Variants in PRSS55 observed in about 807,000 individuals in gnomAD.
The protein encoded by PRSS55 is serine protease 55.
A neutral mutation model predicts 23.6 loss-of-function variants in PRSS55; 41 were observed. The observed-to-expected ratio is 1.74, with a 90% CI of 1.35 to 2.26. The LOEUF is 2.26. PRSS55 is among the 30% of genes most tolerant of loss of function. PRSS55 has a pLI of 0.00. For missense variants in PRSS55, 669 were observed against 439.1 expected, an observed-to-expected ratio of 1.52 and a Z score of -4.68; for synonymous variants, 262 against 175.5, an observed-to-expected ratio of 1.49 and a Z score of -3.90.
chr8:10,550,418 T>C (rs7011457), intron 4 of PRSS55, among the ~76,000 whole-genome samples: 69,330 of 152,150 alleles, frequency 0.46, 16,562 homozygotes, highest in East Asian at 0.58. Context: ...AAGCCTGTAC[T>C]AGTCCTGGCT....
intron 1 of PRSS55, among the ~76,000 whole-genome samples, chr8:10,529,199 C>T (rs541629000): frequency 2.6e-5 from 4 of 152,216 alleles, no homozygotes; most frequent in African/African-American, 7.2e-5. Context: ...TGTTTTCTTC[C>T]GATTTCTCCT....
intron 4 of PRSS55, among the ~76,000 whole-genome samples, chr8:10,543,846 G>C (rs1013431208): frequency 3.3e-5 from 5 of 151,898 alleles, no homozygotes; most frequent in Admixed American, 6.6e-5. Context: ...TTATTCTTCT[G>C]TTATTTATTT....
intron 4 of PRSS55, among the ~76,000 whole-genome samples, chr8:10,545,566 G>A (rs963481300): frequency 3.3e-5 from 5 of 152,178 alleles, no homozygotes; most frequent in South Asian, 2.1e-4. Flanking sequence ...CACTTCAGAA[G>A]CATTTCCCTA....
chr8:10,536,023 GA>G (rs1812441325), intron 4 of PRSS55, among the ~76,000 whole-genome samples: 1 of 152,024 alleles, frequency 6.6e-6, no homozygotes, highest in African/African-American at 2.4e-5. Context: ...CGTCTCTACT[GA>G]AAATACAAAA....
chr8:10,551,926 C>T (rs2117088345), intron 4 of PRSS55, among the ~76,000 whole-genome samples: 1 of 152,322 alleles, frequency 6.6e-6, no homozygotes, highest in South Asian at 2.1e-4. Flanking sequence ...TCAAATGTTC[C>T]TGCCCAAAGA....
chr8:10,538,462 T>C lies in PRSS55; in HGVS notation c.742-14T>C. 6.3e-7 allele frequency: 1 copy of C among 1,596,492 alleles called. No individual in the cohort carries two copies. Among genetic ancestry groups the C allele is most frequent in the Non-Finnish European group, 8.6e-7 (1 of 1,167,518 alleles). On this transcript the variant is annotated splice_polypyrimidine_tract_variant and intron_variant, in intron 4 of 4. Coordinates refer to ENST00000328655, the MANE Select transcript of PRSS55 (RefSeq NM_198464.4). ...GAACCGGACTCCCTGCTGAGCTGTG[T>C]TCTCTGCCCACAGGGTGACAGTGGG...
chr8:10,548,967 C>T (rs759608948), intron 4 of PRSS55, among the ~76,000 whole-genome samples: 1 of 152,150 alleles, frequency 6.6e-6, no homozygotes, highest in South Asian at 2.1e-4. Context: ...TGTGTCTTAT[C>T]GGAACGCAGC....
chr8:10,545,358 T>C (rs970761852), intron 4 of PRSS55, among the ~76,000 whole-genome samples: 17 of 152,288 alleles, frequency 1.1e-4, no homozygotes, highest in African/African-American at 3.6e-4. Context: ...CCATCATGCC[T>C]GGCTAATTTT....
chr8:10,545,984 G>A (rs1192344298), intron 4 of PRSS55, among the ~76,000 whole-genome samples: 1 of 152,090 alleles, frequency 6.6e-6, no homozygotes, highest in Non-Finnish European at 1.5e-5. Flanking sequence ...GCTGTCCTCA[G>A]ATTACCCTGA....
chr8:10,543,999 A>G (rs1014870958), intron 4 of PRSS55, among the ~76,000 whole-genome samples: 1 of 152,178 alleles, frequency 6.6e-6, no homozygotes, highest in African/African-American at 2.4e-5. Context: ...ATATTCTGCT[A>G]TTATTGGGTA....
chr8:10,541,021 G>C (rs965095550), downstream of PRSS55: 3 of 152,676 alleles, frequency 2.0e-5, no homozygotes, highest in African/African-American at 7.2e-5. Context: ...GGGCTGGGGT[G>C]GGCATAGAAC....
chr8:10,545,520 C>A (rs532788295), intron 4 of PRSS55, among the ~76,000 whole-genome samples: 1 of 152,154 alleles, frequency 6.6e-6, no homozygotes, highest in African/African-American at 2.4e-5. Flanking sequence ...GGGCCAGTAA[C>A]AAGCAGTTTT....
At chr8:10,542,036 C>G (rs996368820), downstream of PRSS55, among the ~76,000 whole-genome samples, 2 of 152,220 alleles carry the variant, frequency 1.3e-5, no homozygotes, top group Admixed American at 1.3e-4. Flanking sequence ...CATGGCCTCC[C>G]AAAGTGCTGT....
At position 10,553,065 on chromosome 8, in the gene PRSS55, C is replaced by G. The variant is rs573914397; in HGVS notation, c.742-878C>G. Among the ~76,000 whole-genome samples, 29 of 152,332 alleles carry G rather than the reference C, an allele frequency of 1.9e-4. No individual in the cohort carries two copies. In the South Asian group the frequency reaches 5.8e-3, roughly 30 times the overall value. On this transcript the variant is annotated intron_variant, in intron 4 of 4. Coordinates refer to the PRSS55 transcript ENST00000522210. The stretch of plus-strand genomic sequence containing the variant: ...TTTGAAGTGTAATCCCCATAATTCT[C>G]AACTGTAGAGGGTGGGACCTGGTGG...
At chr8:10,526,880 T>C (rs764544305) in intron 1 of PRSS55, among the ~76,000 whole-genome samples, 7 of 152,182 alleles carry the variant, frequency 4.6e-5, no homozygotes, top group Non-Finnish European at 1.0e-4. Context: ...TACCCAACGA[T>C]AAGTAGCTTT....
At chr8:10,528,421 G>C (rs555992686) in intron 1 of PRSS55, among the ~76,000 whole-genome samples, 1 of 152,314 alleles carries the variant, frequency 6.6e-6, no homozygotes, top group African/African-American at 2.4e-5. Flanking sequence ...GGGCTTTTTA[G>C]AGTCAAACTC....
chr8:10,546,552 C>G (rs1026256037), intron 4 of PRSS55, among the ~76,000 whole-genome samples: 3 of 152,194 alleles, frequency 2.0e-5, no homozygotes, highest in African/African-American at 7.2e-5. Context: ...TCAGGCAGCT[C>G]CAAAGCCTTA....
At chr8:10,534,176 C>A (rs1812374519) in intron 4 of PRSS55, among the ~76,000 whole-genome samples, 1 of 152,278 alleles carries the variant, frequency 6.6e-6, no homozygotes, top group East Asian at 1.9e-4. Context: ...TGGTTCCAGA[C>A]AAGACGGAGT....
At chr8:10,540,591 T>G (rs1233716673), downstream of PRSS55, 1 of 152,174 alleles carries the variant, frequency 6.6e-6, no homozygotes, top group African/African-American at 2.4e-5. Context: ...GGCGGGCACC[T>G]GTAATCCCAG....
Sources: gnomAD v4.1 joint callset for allele counts (sites outside exome capture counted in the v4.1 genomes callset) on GRCh38, gnomAD v4.1.1 for gene constraint, MANE v1.5 for transcripts, NCBI Gene and HGNC (gene_info 2026-07-23, HGNC 2026-07-21) for gene names.